Variants in SGCE observed in about 807,000 individuals in gnomAD.
The protein encoded by SGCE is sarcoglycan epsilon.
SGCE carries 26 observed loss-of-function variants against 57.8 expected under a neutral mutation model. That is an observed-to-expected ratio of 0.45 (90% confidence interval 0.33 to 0.62). SGCE has a LOEUF of 0.62. Ranked by LOEUF, SGCE falls within the 20% of genes least tolerant of loss-of-function variation. The pLI is 0.02. For synonymous variants in SGCE, 183 were observed against 189.5 expected (o/e 0.97, Z 0.28); for missense variants, 468 against 548.6 (o/e 0.85, Z 1.47).
intron 9 of SGCE, 50 bp downstream of exon 9, chr7:94,598,725 G>A (rs1237208919): frequency 8.2e-7 from 1 of 1,223,442 alleles, no homozygotes; most frequent in Admixed American, 1.7e-5. Flanking sequence ...ACAGATATTA[G>A]TAAAAATATA....
intron 9 of SGCE, among the ~76,000 whole-genome samples, chr7:94,596,803 A>C (rs17166375): frequency 6.6e-5 from 10 of 152,090 alleles, no homozygotes; most frequent in African/African-American, 1.9e-4. Flanking sequence ...TGTTGCTACT[A>C]CTTTTTTCCA....
At chr7:94,635,146 G>A (rs949210648) in intron 1 of SGCE, among the ~76,000 whole-genome samples, 1 of 152,166 alleles carries the variant, frequency 6.6e-6, no homozygotes, top group Non-Finnish European at 1.5e-5. Flanking sequence ...CACATGAAGA[G>A]TTTGAAGATG....
Position 94,604,806 on chromosome 7 carries a change from AATATATATATATATATATATATAT to A in SGCE, c.663-1378_663-1355del, listed in dbSNP as rs59162734. 3.0e-3 allele frequency among the ~76,000 whole-genome samples: 134 copies of A among 44,412 alleles called. 4 individuals are homozygous for A. The Middle Eastern group carries it at 0.043, about 14-fold the overall frequency. 29.1% of individuals were successfully genotyped at this position (44,412 alleles called of 152,430 possible). ...TATTTTTTATAACTAATGGTGCTGG[AATATATATATATATATATATATAT>A]ATATATATATATATATATATATATA... is the stretch of plus-strand genomic sequence containing the variant. On this transcript the variant is annotated intron_variant, in intron 5 of 10. Transcript: ENST00000648936.
At chr7:94,617,081 G>A (rs995698066) in intron 5 of SGCE, 18 of 152,106 alleles carry the variant, frequency 1.2e-4, no homozygotes, top group African/African-American at 3.4e-4. Flanking sequence ...AGTACTTGTA[G>A]GACAAAAATT....
intron 1 of SGCE, among the ~76,000 whole-genome samples, chr7:94,652,426 A>C (rs1262930631): frequency 6.6e-6 from 1 of 152,218 alleles, no homozygotes; most frequent in Non-Finnish European, 1.5e-5. Context: ...TTAGAATCAG[A>C]AACAATCTGA....
intron 9 of SGCE, among the ~76,000 whole-genome samples, chr7:94,595,714 A>G (rs1318384380): frequency 6.6e-6 from 1 of 152,136 alleles, no homozygotes; most frequent in Non-Finnish European, 1.5e-5. Flanking sequence ...GTAAAAAGTA[A>G]AAGTTGAATT....
intron 1 of SGCE, among the ~76,000 whole-genome samples, chr7:94,642,852 T>C (rs983800140): frequency 2.6e-5 from 4 of 152,218 alleles, no homozygotes; most frequent in Non-Finnish European, 4.4e-5. Context: ...CATCACCAGC[T>C]CCTGAGCAAG....
chr7:94,625,360 CTTTT>C (rs536548528), intron 3 of SGCE: 2 of 151,594 alleles, frequency 1.3e-5, no homozygotes, highest in Non-Finnish European at 2.9e-5. Context: ...GGTAAACTTT[CTTTT>C]TTTTATCTTT....
At chr7:94,603,501 A>G (rs1799596365) in intron 5 of SGCE, 49 bp from the exon 6 acceptor site, 2 of 1,549,562 alleles carry the variant, frequency 1.3e-6, no homozygotes, top group Non-Finnish European at 1.8e-6. Context: ...AATTGAAAAC[A>G]CTAAAAAACA....
chr7:94,634,827 G>A (rs1013404969), intron 1 of SGCE, among the ~76,000 whole-genome samples: 1 of 152,136 alleles, frequency 6.6e-6, no homozygotes, highest in South Asian at 2.1e-4. Flanking sequence ...CAGAAACTCT[G>A]TTATAAAATA....
rs2116958801 is a variant in SGCE at position 94,628,227 on chromosome 7, T to G, written c.365A>C (p.Asn122Thr). The change falls in exon 3 of 11, where the codon AAT becomes ACT. Residue 122 changes from asparagine (N) to threonine (T), a missense_variant. Physicochemically the swap from Asn to Thr is moderately conservative, Grantham distance 65 (BLOSUM62 0). Coordinates refer to ENST00000648936, the MANE Select transcript of SGCE (RefSeq NM_003919.3). ...GVLYGSPTAE[N>T]VGKPTIIEIT... is the part of the protein sequence containing the mutation. ...CTCAATGATTGTTGGCTTCCCCACATTTTCAGCTGTTGGGGACCCATATAG... is the reference window on the plus strand; with the variant it reads ...CTCAATGATTGTTGGCTTCCCCACAGTTTCAGCTGTTGGGGACCCATATAG... The G allele has an allele frequency of 6.2e-7, 1 of 1,611,530 alleles. No homozygotes were observed. Among genetic ancestry groups the G allele is most frequent in the Admixed American group, 1.7e-5 (1 of 59,712 alleles).
intron 6 of SGCE, among the ~76,000 whole-genome samples, chr7:94,601,443 CAA>C (rs71123905): frequency 2.3e-3 from 205 of 89,204 alleles, no homozygotes; most frequent in African/African-American, 9.5e-3. Context: ...ATCCCAGTAT[CAA>C]AAAAAAAAAA....
At chr7:94,641,801 T>TTAG (rs976352657) in intron 1 of SGCE, among the ~76,000 whole-genome samples, 33 of 151,630 alleles carry the variant, frequency 2.2e-4, no homozygotes, top group South Asian at 2.1e-3. Flanking sequence ...ATTATTATTA[T>TTAG]TAGTAGTAGT....
At chr7:94,616,132 G>A (rs1801899242) in intron 5 of SGCE, among the ~76,000 whole-genome samples, 1 of 152,158 alleles carries the variant, frequency 6.6e-6, no homozygotes, top group Non-Finnish European at 1.5e-5. Flanking sequence ...CAAGAAGGAT[G>A]AGGAGCTCAG....
chr7:94,649,500 G>A (rs1038570711), intron 1 of SGCE, among the ~76,000 whole-genome samples: 1 of 152,158 alleles, frequency 6.6e-6, no homozygotes, highest in East Asian at 1.9e-4. Context: ...ACAAGTAGCC[G>A]CCTGTAGATC....
chr7:94,637,893 A>G (rs562633526), intron 1 of SGCE, among the ~76,000 whole-genome samples: 38 of 152,322 alleles, frequency 2.5e-4, no homozygotes, highest in African/African-American at 8.7e-4. Flanking sequence ...AGTCCTTTGG[A>G]GATGACAGAG....
chr7:94,595,598 T>C (rs578198690), intron 9 of SGCE, among the ~76,000 whole-genome samples: 2 of 152,252 alleles, frequency 1.3e-5, no homozygotes, highest in African/African-American at 4.8e-5. Flanking sequence ...CAAAATATAA[T>C]ATCACATTTT....
chr7:94,594,241 A>G (rs931765867), intron 9 of SGCE, among the ~76,000 whole-genome samples: 1 of 152,132 alleles, frequency 6.6e-6, no homozygotes, highest in Non-Finnish European at 1.5e-5. Flanking sequence ...GGCAAAGTCA[A>G]TTTACTTTTA....
chr7:94,585,606 G>T (rs1796786390), intron 10 of SGCE, 91 bp from the exon 11 acceptor site: 2 of 837,390 alleles, frequency 2.4e-6, no homozygotes. Context: ...CAAGGAGAAA[G>T]TTTCCATCTT....
Sources: gnomAD v4.1 joint callset for allele counts (sites outside exome capture counted in the v4.1 genomes callset) on GRCh38, gnomAD v4.1.1 for gene constraint, MANE v1.5 for transcripts, NCBI Gene and HGNC (gene_info 2026-07-23, HGNC 2026-07-21) for gene names.